Variants in ARHGEF12 observed in about 807,000 individuals in gnomAD.
ARHGEF12 encodes the protein Rho guanine nucleotide exchange factor 12.
In ARHGEF12, 66 loss-of-function variants were observed where a neutral mutation model predicts 211.2. The ratio of observed to expected loss-of-function variants is 0.31; its 90% CI spans 0.26 to 0.38. The LOEUF is 0.38. Among genes scored for constraint, ARHGEF12 ranks in the 10% least tolerant of loss-of-function variants. ARHGEF12 has a pLI of 1.00. For missense variants in ARHGEF12, 1,429 were observed against 1,869.5 expected (o/e 0.76, Z 4.34); for synonymous variants, 592 against 638.4 (o/e 0.93, Z 1.09).
rs538557960 is a variant in ARHGEF12, at chr11:120,407,212, T to C, written c.57-526T>C. Among the ~76,000 whole-genome samples, 4 of 152,310 alleles carry C rather than the reference T, an allele frequency of 2.6e-5. No homozygotes were observed. The East Asian group carries it at 7.7e-4, about 29-fold the overall frequency. On this transcript the variant is annotated intron_variant, in intron 2 of 40. Transcript: ENST00000397843. ...ATTGGCTAAGCCATAGAAGTAATAA[T>C]AATAATAATGTCATTGGTCCTTAAA...
At chr11:120,396,716 T>C (rs1032178906) in intron 1 of ARHGEF12, among the ~76,000 whole-genome samples, 3 of 152,184 alleles carry the variant, frequency 2.0e-5, no homozygotes, top group East Asian at 1.9e-4. Context: ...ACTCAGCTCT[T>C]AGAAGAAAAT....
At chr11:120,451,324 A>G (rs1305754741) in intron 21 of ARHGEF12, 188 bp from the exon 22 acceptor site, 1 of 508,616 alleles carries the variant, frequency 2.0e-6, no homozygotes, top group Non-Finnish European at 3.5e-6. Flanking sequence ...GATTACAGGC[A>G]TGTGCCACCA....
At chr11:120,484,321 G>T in intron 39 of ARHGEF12, 117 bp from the exon 40 acceptor site, 2 of 773,634 alleles carry the variant, frequency 2.6e-6, no homozygotes, top group East Asian at 2.8e-5. Context: ...TAATATTTTT[G>T]AAATTTGGGG....
At position 120,441,701 on chromosome 11, in the gene ARHGEF12, C is replaced by T. The variant is rs748473529; in HGVS notation, c.1093-6C>T. 3.7e-6 allele frequency: 6 copies of T among 1,609,706 alleles called. No homozygotes were observed. The highest frequency in any genetic ancestry group is 5.1e-6 in the Non-Finnish European group (6 of 1,176,614). On this transcript the variant is annotated splice_polypyrimidine_tract_variant and splice_region_variant and intron_variant, in intron 13 of 40. Transcript: ENST00000397843. ...GTTACTGATGCATAATCATTTCTTC[C>T]TCTAGATCAATGGACAGTGCAGCTG...
chr11:120,440,141 C>G lies in ARHGEF12; in HGVS notation c.1012C>G (p.Leu338Val). 1.9e-6 allele frequency: 3 copies of G among 1,612,320 alleles called. No homozygotes were observed. The highest frequency in any genetic ancestry group is 2.5e-6 in the Non-Finnish European group (3 of 1,179,158). Reference sequence around the variant, plus strand: ...TGAATGTTGCCAGGACACTCAATCACTTGTCGGAAGTCCCTCAACCCGTAT... The same window carrying G: ...TGAATGTTGCCAGGACACTCAATCAGTTGTCGGAAGTCCCTCAACCCGTAT... ...ETIQDTDTQS[L>V]VGSPSTRIAP... The change falls in exon 13 of 41, where the codon CTT (leucine) becomes GTT (valine). Residue 338 changes from leucine (L) to valine (V), a missense_variant. Physicochemically the swap from Leu to Val is conservative, Grantham distance 32. Around this residue, in one of 7 missense-constraint regions of ARHGEF12, gnomAD observed 254 missense variants for 286.4 expected, o/e 0.89. Coordinates refer to ENST00000397843, the MANE Select transcript of ARHGEF12 (RefSeq NM_015313.3).
chr11:120,360,366 C>A (rs1378791078), intron 1 of ARHGEF12, among the ~76,000 whole-genome samples: 2 of 152,062 alleles, frequency 1.3e-5, no homozygotes, highest in Non-Finnish European at 2.9e-5. Context: ...AGTTACTAAA[C>A]ATTTTTCTTT....
chr11:120,473,001 C>T lies in ARHGEF12; in HGVS notation c.2956-49C>T, dbSNP rs746479877. ...AAGTTTGATTCAGAAATAGAGAGGT[C>T]ATTAATGACCAAAGCACTAACCTTG... On this transcript the variant is annotated intron_variant, in intron 30 of 40. Coordinates refer to ENST00000397843, the MANE Select transcript of ARHGEF12 (RefSeq NM_015313.3). 8.4e-6 allele frequency: 13 copies of T among 1,544,944 alleles called. No individual in the cohort carries two copies. In the East Asian group the frequency reaches 2.7e-4, roughly 32 times the overall value.
chr11:120,416,412 A>T (rs1374596987), intron 4 of ARHGEF12, among the ~76,000 whole-genome samples: 1 of 152,218 alleles, frequency 6.6e-6, no homozygotes, highest in Non-Finnish European at 1.5e-5. Context: ...AGGGTGATAC[A>T]GTAGGAGTAC....
intron 1 of ARHGEF12, among the ~76,000 whole-genome samples, chr11:120,393,581 AG>A (rs768309400): frequency 6.6e-6 from 1 of 152,258 alleles, no homozygotes; most frequent in Non-Finnish European, 1.5e-5. Flanking sequence ...GGATAAAAAA[AG>A]TAATTTCGTA....
chr11:120,403,482 G>A (rs1167689219), intron 1 of ARHGEF12, among the ~76,000 whole-genome samples: 3 of 151,788 alleles, frequency 2.0e-5, no homozygotes, highest in Non-Finnish European at 2.9e-5. Context: ...ACTCCAGCCT[G>A]GGTGACAAAG....
At chr11:120,469,511 T>C in intron 30 of ARHGEF12, 123 bp downstream of exon 30, 1 of 834,886 alleles carries the variant, frequency 1.2e-6, no homozygotes, top group African/African-American at 1.7e-5. Flanking sequence ...AACATTTGTT[T>C]ACTGTTCGCA....
intron 1 of ARHGEF12, among the ~76,000 whole-genome samples, chr11:120,368,070 T>C (rs1379250825): frequency 6.6e-6 from 1 of 152,200 alleles, no homozygotes; most frequent in Non-Finnish European, 1.5e-5. Flanking sequence ...GATAATATTC[T>C]TATATTTGAG....
chr11:120,361,362 C>T (rs888671851), intron 1 of ARHGEF12, among the ~76,000 whole-genome samples: 9 of 151,986 alleles, frequency 5.9e-5, no homozygotes, highest in African/African-American at 1.5e-4. Context: ...ATCTAATGCC[C>T]GATGATCTGA....
chr11:120,385,282 G>A lies in ARHGEF12; in HGVS notation c.33-20836G>A, dbSNP rs574107997. ...TGGTAGATGATTGGGGGTGGGAGAA[G>A]AGGTGGGGTTTCTTCTTATCATCCC... On this transcript the variant is annotated intron_variant, in intron 1 of 40. Transcript: ENST00000397843. 6.1e-6 allele frequency: 6 copies of A among 985,282 alleles called. No individual in the cohort carries two copies. In the South Asian group the frequency reaches 2.8e-4, roughly 46 times the overall value. 61.0% of individuals were successfully genotyped at this position (985,282 alleles called of 1,614,324 possible).
chr11:120,437,406 A>T, intron 12 of ARHGEF12, 24 bp downstream of exon 12: 1 of 1,583,968 alleles, frequency 6.3e-7, no homozygotes, highest in South Asian at 1.1e-5. Context: ...CCATGCAATG[A>T]TAGTGCTGTC....
intron 7 of ARHGEF12, among the ~76,000 whole-genome samples, chr11:120,426,721 C>T (rs1041703677): frequency 3.9e-5 from 6 of 152,054 alleles, no homozygotes; most frequent in Admixed American, 1.3e-4. Flanking sequence ...TTTTAGAACA[C>T]CAAAACACTG....
At chr11:120,342,274 T>C (rs1427492557) in intron 1 of ARHGEF12, among the ~76,000 whole-genome samples, 1 of 152,212 alleles carries the variant, frequency 6.6e-6, no homozygotes, top group Non-Finnish European at 1.5e-5. Context: ...TAAATATCTC[T>C]TGAGGATAAA....
chr11:120,397,441 C>G (rs1944424555), intron 1 of ARHGEF12, among the ~76,000 whole-genome samples: 1 of 152,026 alleles, frequency 6.6e-6, no homozygotes, highest in East Asian at 1.9e-4. Flanking sequence ...TGAATTCATC[C>G]CAAGGAAGAA....
At chr11:120,469,191 T>A in intron 29 of ARHGEF12, 97 bp from the exon 30 acceptor site, 1 of 939,478 alleles carries the variant, frequency 1.1e-6, no homozygotes, top group Non-Finnish European at 1.6e-6. Flanking sequence ...CTTAATATGC[T>A]CTTAAAAGTA....
Sources: gnomAD v4.1 joint callset for allele counts (sites outside exome capture counted in the v4.1 genomes callset) on GRCh38, gnomAD v4.1.1 for gene constraint, gnomAD v4.1.1 regional missense constraint, MANE v1.5 for transcripts, NCBI Gene and HGNC (gene_info 2026-07-23, HGNC 2026-07-21) for gene names.